Variants in NBAS observed in about 807,000 individuals in gnomAD.
The protein encoded by NBAS is NAG/BC035112 fusion.
In NBAS, 219 loss-of-function variants were observed where a neutral mutation model predicts 302.5. The observed-to-expected ratio is 0.72, with a 90% confidence interval of 0.65 to 0.81. The LOEUF (loss-of-function observed/expected upper bound fraction) is 0.81. NBAS is among the 30% of genes least tolerant of loss of function. The pLI, the probability that NBAS is intolerant of heterozygous loss-of-function variation, is 0.00. For missense variants in NBAS, 2,932 were observed against 2,841.6 expected, an observed-to-expected ratio of 1.03 and a Z score of -0.72; for synonymous variants, 1,118 against 1,021.6, an observed-to-expected ratio of 1.09 and a Z score of -1.80.
At chr2:15,296,910 TAC>T (rs1314865782) in intron 40 of NBAS, among the ~76,000 whole-genome samples, 1 of 152,240 alleles carries the variant, frequency 6.6e-6, no homozygotes, top group Non-Finnish European at 1.5e-5. Flanking sequence ...ATCAGATTTC[TAC>T]ACAGTTTATA....
chr2:15,361,732 A>C, intron 32 of NBAS, among the ~76,000 whole-genome samples: 1 of 152,040 alleles, frequency 6.6e-6, no homozygotes, highest in Admixed American at 6.6e-5. Flanking sequence ...TAATCCCAGC[A>C]CTTTGGGAGG....
At chr2:15,062,984 A>G in the NBAS span, among the ~76,000 whole-genome samples, 2 of 152,196 alleles carry the variant, frequency 1.3e-5, no homozygotes, top group African/African-American at 4.8e-5. Context: ...TGCCTGACAG[A>G]TGCATCTAGC....
At chr2:14,855,379 G>C in the NBAS span, among the ~76,000 whole-genome samples, 1 of 151,970 alleles carries the variant, frequency 6.6e-6, no homozygotes, top group Non-Finnish European at 1.5e-5. Context: ...CTTGAGAAGA[G>C]CACAGGAAAA....
At chr2:15,383,402 CA>C in intron 28 of NBAS, 85 bp from the exon 29 acceptor site, 1 of 1,173,354 alleles carries the variant, frequency 8.5e-7, no homozygotes, top group Non-Finnish European at 1.3e-6. Context: ...GTTAAAAAAA[CA>C]AAAACTGGTA....
At chr2:15,026,556 T>A in the NBAS span, among the ~76,000 whole-genome samples, 1 of 151,842 alleles carries the variant, frequency 6.6e-6, no homozygotes, top group African/African-American at 2.4e-5. Flanking sequence ...ATGTGATGAA[T>A]CACATTTGTT....
At chr2:15,313,561 T>C (rs1368583738) in intron 38 of NBAS, among the ~76,000 whole-genome samples, 1 of 152,234 alleles carries the variant, frequency 6.6e-6, no homozygotes, top group Non-Finnish European at 1.5e-5. Context: ...ATATATGCCA[T>C]TTTAAGAATG....
At chr2:15,102,287 C>T in the NBAS span, among the ~76,000 whole-genome samples, 1 of 152,134 alleles carries the variant, frequency 6.6e-6, no homozygotes. Context: ...AGTTGAATGG[C>T]TGGGACTATT....
intron 47 of NBAS, among the ~76,000 whole-genome samples, chr2:15,221,158 A>C (rs769852518): frequency 3.3e-5 from 5 of 152,220 alleles, no homozygotes; most frequent in Non-Finnish European, 7.3e-5. Context: ...TGCAAGCTGA[A>C]TAGACAGTAC....
chr2:15,353,734 A>AG (rs757068760), intron 33 of NBAS, 24 bp from the exon 34 acceptor site: 2 of 1,613,822 alleles, frequency 1.2e-6, no homozygotes, highest in Non-Finnish European at 1.7e-6. Flanking sequence ...AAGGAAAAAA[A>AG]TGATTCCCAA....
chr2:14,810,359 T>C, the NBAS span, among the ~76,000 whole-genome samples: 7 of 152,318 alleles, frequency 4.6e-5, no homozygotes, highest in African/African-American at 1.7e-4. Context: ...GTCTTTCCCA[T>C]GCTGTTCTTA....
the NBAS span, among the ~76,000 whole-genome samples, chr2:15,014,182 A>G: frequency 1.6e-4 from 24 of 152,166 alleles, no homozygotes; most frequent in African/African-American, 5.5e-4. Context: ...AAGGAGAGAT[A>G]GACACTTGTG....
rs1216170670 is a variant in NBAS, at chr2:15,379,682, A to G, written c.3510T>C (p.Ser1170=). 1.9e-6 allele frequency: 3 copies of G among 1,613,572 alleles called. No homozygotes were observed. Among genetic ancestry groups the G allele is most frequent in the Non-Finnish European group, 2.5e-6 (3 of 1,179,914 alleles). ...KPHYRVSYEK[S]IDLVLAASRE... is the part of the protein sequence containing the mutation. Reference sequence around the variant, plus strand: ...TGCTGGCAGCCAAAACCAAGTCAATACTCTTTTCGTAGCTGACCCTGTAGT... The same window carrying G: ...TGCTGGCAGCCAAAACCAAGTCAATGCTCTTTTCGTAGCTGACCCTGTAGT... The change falls in exon 30 of 52, where the codon AGT becomes AGC. Residue 1170 remains serine (S), a synonymous_variant. Transcript: ENST00000281513.
At chr2:15,462,643 AAGG>A (rs1679554605) in intron 19 of NBAS, among the ~76,000 whole-genome samples, 2 of 152,000 alleles carry the variant, frequency 1.3e-5, no homozygotes, top group African/African-American at 4.8e-5. Context: ...GGGAGGGAGG[AAGG>A]AGAGCTGAGC....
chr2:14,986,699 A>T, the NBAS span, among the ~76,000 whole-genome samples: 13 of 152,128 alleles, frequency 8.5e-5, no homozygotes, highest in Non-Finnish European at 1.5e-4. Flanking sequence ...TTCCAATGAG[A>T]CAACTTCAGT....
the NBAS span, among the ~76,000 whole-genome samples, chr2:14,854,947 A>G: frequency 1.3e-5 from 2 of 152,182 alleles, no homozygotes; most frequent in Non-Finnish European, 2.9e-5. Flanking sequence ...GGGGCAGTCA[A>G]GGGAGTGCTT....
At chr2:14,802,566 G>A in the NBAS span, among the ~76,000 whole-genome samples, 1 of 151,850 alleles carries the variant, frequency 6.6e-6, no homozygotes, top group African/African-American at 2.4e-5. Flanking sequence ...TATAAATCAT[G>A]CTGCTATAAA....
chr2:15,560,362 T>C (rs745665098), intron 1 of NBAS, among the ~76,000 whole-genome samples: 1 of 152,034 alleles, frequency 6.6e-6, no homozygotes, highest in Non-Finnish European at 1.5e-5. Context: ...ATCCAGTCCA[T>C]AAATTATCAA....
chr2:14,780,683 C>T, the NBAS span, among the ~76,000 whole-genome samples: 3 of 152,248 alleles, frequency 2.0e-5, no homozygotes, highest in South Asian at 4.1e-4. Context: ...CAGAGATCTT[C>T]GAAGGACAAG....
At chr2:15,416,711 C>T (rs938661444) in intron 24 of NBAS, among the ~76,000 whole-genome samples, 1 of 150,536 alleles carries the variant, frequency 6.6e-6, no homozygotes, top group Non-Finnish European at 1.5e-5. Context: ...GAGGCTGAGG[C>T]AGGAGAATCG....
Sources: gnomAD v4.1 joint callset for allele counts (sites outside exome capture counted in the v4.1 genomes callset) on GRCh38, gnomAD v4.1.1 for gene constraint, MANE v1.5 for transcripts, NCBI Gene and HGNC (gene_info 2026-07-23, HGNC 2026-07-21) for gene names.